The following TRIOBP variants were observed in gnomAD, a reference collection of about 807,000 sequenced individuals.
TRIOBP encodes TRIO and F-actin-binding protein.
TRIOBP carries 169 observed loss-of-function variants against 238.8 expected under a neutral mutation model. That is an observed-to-expected ratio of 0.71 (90% CI 0.62 to 0.80). The LOEUF is 0.80. Among genes scored for constraint, TRIOBP ranks in the 30% least tolerant of loss-of-function variants. The pLI, the probability that TRIOBP is intolerant of heterozygous loss-of-function variation, is 0.00. For missense variants in TRIOBP, 2,838 were observed against 3,122.6 expected (o/e 0.91, Z 2.17); for synonymous variants, 1,150 against 1,274.4 (o/e 0.90, Z 2.08).
chr22:37,723,645 C>T lies in TRIOBP; in HGVS notation c.1089C>T (p.Asn363=), dbSNP rs368828079. 23 of 1,613,944 alleles carry T rather than the reference C, an allele frequency of 1.4e-5. No individual in the cohort carries two copies. The highest frequency in any genetic ancestry group is 3.3e-5 in the Admixed American group (2 of 60,000). The change falls in exon 7 of 24, where the codon AAC becomes AAT. Residue 363 remains asparagine (N), a synonymous_variant. Coordinates refer to ENST00000644935, the MANE Select transcript of TRIOBP (RefSeq NM_001039141.3). ...GAACCTCTTCTACCCAGCAGGACAA[C>T]CCCCAAACTTCTTTTCCTACTTGTA... ...NPRTSSTQQD[N]PQTSFPTCTP...
intron 3 of TRIOBP, among the ~76,000 whole-genome samples, chr22:37,709,908 A>G (rs187140130): frequency 6.6e-6 from 1 of 152,114 alleles, no homozygotes; most frequent in Non-Finnish European, 1.5e-5. Context: ...CATCTCCTCT[A>G]CCATCAAACT....
In TRIOBP at chr22:37,740,117, CG is replaced by C. The variant is rs145000315; in HGVS notation, c.5185-773del. Among the ~76,000 whole-genome samples the C allele has an allele frequency of 1.6e-3, 238 of 152,274 alleles. 2 individuals are homozygous for C. The highest frequency in any genetic ancestry group is 0.015 in the East Asian group (78 of 5,178). On this transcript the variant is annotated intron_variant, in intron 10 of 23. Transcript: ENST00000644935. The stretch of plus-strand genomic sequence containing the variant: ...GTGATGGGGAATGTGGTAGCAGGGT[CG>C]GGGGCACCCCTACCCCCAAAGCCCT...
In TRIOBP at chr22:37,715,816, C is replaced by G. The variant is rs780301261; in HGVS notation, c.510C>G (p.Leu170=). The stretch of plus-strand genomic sequence containing the variant: ...AGGAGGCCCCCAGCTGGGACGAGCT[C>G]GCAGTGATGATCCCGAGGAGGCCTC... ...QEEEAPSWDE[L]AVMIPRRPRE... Residue 170 remains leucine, a synonymous_variant, in exon 6 of 24, where the codon CTC becomes CTG. Transcript: ENST00000644935. 2.5e-6 allele frequency: 4 copies of G among 1,613,972 alleles called. No homozygotes were observed. In the African/African-American group the frequency reaches 5.3e-5, roughly 22 times the overall value.
intron 23 of TRIOBP, 74 bp downstream of exon 23, chr22:37,772,838 A>G (rs952367332): frequency 6.4e-6 from 10 of 1,557,578 alleles, no homozygotes; most frequent in Admixed American, 1.7e-5. Flanking sequence ...TCCCTGGACC[A>G]CCCCAGCCAG....
intron 4 of TRIOBP, 92 bp from the exon 5 acceptor site, chr22:37,713,118 C>G (rs1418715695): frequency 2.5e-5 from 30 of 1,221,942 alleles, no homozygotes; most frequent in Non-Finnish European, 3.1e-5. Context: ...GTGTGGGCCC[C>G]AGGCTCCCTG....
intron 7 of TRIOBP, among the ~76,000 whole-genome samples, chr22:37,732,905 A>G (rs1175948974): frequency 1.3e-5 from 2 of 152,200 alleles, no homozygotes; most frequent in Admixed American, 1.3e-4. Context: ...TGCTCAATAA[A>G]TCTTAATTCC....
At chr22:37,719,873 C>T (rs183900792) in intron 6 of TRIOBP, among the ~76,000 whole-genome samples, 184 of 148,236 alleles carry the variant, frequency 1.2e-3, no homozygotes, top group African/African-American at 3.9e-3. Flanking sequence ...ACCATGACTC[C>T]GGAGTCCACA....
intron 11 of TRIOBP, among the ~76,000 whole-genome samples, chr22:37,743,365 T>C (rs1012150032): frequency 6.6e-6 from 1 of 152,224 alleles, no homozygotes; most frequent in Non-Finnish European, 1.5e-5. Flanking sequence ...GAGTAACGGT[T>C]TGAGACTGGA....
In TRIOBP at chr22:37,701,399, C is replaced by T; in HGVS notation, c.34C>T (p.His12Tyr). Residue 12 changes from histidine to tyrosine, a missense_variant, in exon 3 of 24, where the codon CAC becomes TAC. Physicochemically the swap from His to Tyr is moderately conservative, Grantham distance 83. Around this residue, in one of 5 missense-constraint regions of TRIOBP, gnomAD observed 535 missense variants for 537.3 expected, o/e 1.00. Coordinates refer to ENST00000644935, the MANE Select transcript of TRIOBP (RefSeq NM_001039141.3). ...GGTGCCTGGGGATGCCCTGTGTGAA[C>T]ACTTTGAGGCCAACATACTTACCCA... ...EEVPGDALCE[H>Y]FEANILTQNR... 3.1e-6 allele frequency: 5 copies of T among 1,613,830 alleles called. No individual in the cohort carries two copies. Among genetic ancestry groups the T allele is most frequent in the Non-Finnish European group, 4.2e-6 (5 of 1,179,940 alleles).
chr22:37,715,782 G>A lies in TRIOBP; in HGVS notation c.476G>A (p.Arg159Lys), dbSNP rs138090314. The part of the protein sequence containing the change: ...SSSVDWDTVE[R>K]QEEEAPSWDE... ...TGGCAGGACTGGGACACTGTTGAGA[G>A]GCAGGAGGAGGAGGCCCCCAGCTGG... The change falls in exon 6 of 24, where the codon AGG (arginine) becomes AAG (lysine). Residue 159 changes from arginine (R) to lysine (K), a missense_variant. By Grantham distance (26) the Arg-to-Lys change is conservative. Around this residue, in one of 5 missense-constraint regions of TRIOBP, gnomAD observed 535 missense variants for 537.3 expected, o/e 1.00. Transcript: ENST00000644935. 1 of 1,614,068 alleles carries A rather than the reference G, an allele frequency of 6.2e-7. No homozygotes were observed. The highest frequency in any genetic ancestry group is 1.3e-5 in the African/African-American group (1 of 75,050).
chr22:37,740,846 C>G, intron 10 of TRIOBP, 49 bp from the exon 11 acceptor site: 5 of 1,553,530 alleles, frequency 3.2e-6, no homozygotes, highest in Non-Finnish European at 4.4e-6. Context: ...CAGGGGTGCC[C>G]CCATCCTGCC....
chr22:37,746,029 G>A (rs1035412626), intron 11 of TRIOBP, among the ~76,000 whole-genome samples: 3 of 100,882 alleles, frequency 3.0e-5, no homozygotes, highest in African/African-American at 9.3e-5. Context: ...CCTTCCCTGC[G>A]GCCCCATCCG....
chr22:37,757,100 G>A (rs1263418148), intron 15 of TRIOBP, among the ~76,000 whole-genome samples: 2 of 152,248 alleles, frequency 1.3e-5, no homozygotes, highest in East Asian at 1.9e-4. Context: ...GGTGGTTCAC[G>A]CCTGTAATCC....
chr22:37,713,120 G>A (rs1052687187), intron 4 of TRIOBP, 90 bp from the exon 5 acceptor site: 3 of 1,234,740 alleles, frequency 2.4e-6, no homozygotes, highest in African/African-American at 1.5e-5. Flanking sequence ...GTGGGCCCCA[G>A]GCTCCCTGTG....
chr22:37,746,631 C>G (rs1417716645), intron 11 of TRIOBP, among the ~76,000 whole-genome samples: 1 of 152,240 alleles, frequency 6.6e-6, no homozygotes, highest in African/African-American at 2.4e-5. Flanking sequence ...CCCTCGCCCA[C>G]TCGCCCCCGG....
intron 17 of TRIOBP, among the ~76,000 whole-genome samples, chr22:37,764,405 CT>C (rs1198543544): frequency 6.6e-6 from 1 of 152,176 alleles, no homozygotes; most frequent in Non-Finnish European, 1.5e-5. Context: ...ATTTTGGGAT[CT>C]TTTTCCACAG....
intron 12 of TRIOBP, among the ~76,000 whole-genome samples, chr22:37,753,336 G>A (rs1048856504): frequency 9.9e-5 from 15 of 151,996 alleles, no homozygotes; most frequent in African/African-American, 2.9e-4. Flanking sequence ...GTGCAGTGGC[G>A]CAACCTCGGC....
chr22:37,765,671 A>G lies in TRIOBP; in HGVS notation c.6326A>G (p.Glu2109Gly). The change falls in exon 18 of 24, where the codon GAG (glutamate) becomes GGG (glycine). Residue 2109 changes from glutamate to glycine, a missense_variant and splice_region_variant. Coordinates refer to ENST00000644935, the MANE Select transcript of TRIOBP (RefSeq NM_001039141.3). ...GHIPPGYISQ[E>G]ACERSLAEME... The stretch of plus-strand genomic sequence containing the variant: ...GACACCCTGGCGTCCGGCCCACAGG[A>G]GGCATGTGAGCGCAGCCTGGCAGAG... 1 of 1,550,010 alleles carries G rather than the reference A, an allele frequency of 6.5e-7. No individual in the cohort carries two copies. Among genetic ancestry groups the G allele is most frequent in the East Asian group, 2.4e-5 (1 of 40,932 alleles).
intron 5 of TRIOBP, among the ~76,000 whole-genome samples, chr22:37,713,841 G>A (rs779466081): frequency 1.9e-4 from 29 of 152,344 alleles, no homozygotes; most frequent in Non-Finnish European, 3.7e-4. Flanking sequence ...AAGGGAGCAG[G>A]CTGCGGGGGT....
Sources: allele counts gnomAD v4.1 joint callset (sites outside exome capture counted in the v4.1 genomes callset), GRCh38; gene constraint gnomAD v4.1.1; regional missense constraint gnomAD v4.1.1; transcripts MANE v1.5; gene names NCBI Gene and HGNC (gene_info 2026-07-23, HGNC 2026-07-21).